Variants in NUP205 observed in about 807,000 individuals in gnomAD.
NUP205 encodes the protein nucleoporin 205.
NUP205 carries 76 observed loss-of-function variants against 253.8 expected under a neutral mutation model. That is an observed-to-expected ratio of 0.30 (90% CI 0.25 to 0.36). The LOEUF is 0.36. Ranked by LOEUF, NUP205 falls within the 10% of genes least tolerant of loss-of-function variation. The pLI, the probability that NUP205 is intolerant of heterozygous loss-of-function variation, is 1.00. For missense variants in NUP205, 2,162 were observed against 2,425.5 expected, an observed-to-expected ratio of 0.89 and a Z score of 2.28; for synonymous variants, 832 against 850.1, an observed-to-expected ratio of 0.98 and a Z score of 0.37.
intron 22 of NUP205, 67 bp downstream of exon 22, chr7:135,607,438 CA>C: frequency 6.5e-7 from 1 of 1,530,386 alleles, no homozygotes; most frequent in Non-Finnish European, 8.9e-7. Context: ...GAGTACGCCA[CA>C]GATATGACAG....
At chr7:135,638,789 A>G in intron 38 of NUP205, 106 bp downstream of exon 38, 1 of 1,105,536 alleles carries the variant, frequency 9.0e-7, no homozygotes, top group Non-Finnish European at 1.4e-6. Context: ...TTTAAGTGTC[A>G]TTAATGGGAA....
chr7:135,626,399 G>A, intron 33 of NUP205, 38 bp downstream of exon 33: 1 of 1,585,470 alleles, frequency 6.3e-7, no homozygotes. Flanking sequence ...TAAACTCCCA[G>A]TAAAGGATTA....
intron 1 of NUP205, among the ~76,000 whole-genome samples, chr7:135,558,865 A>C (rs1207401582): frequency 1.3e-5 from 2 of 152,112 alleles, no homozygotes; most frequent in Admixed American, 6.6e-5. Flanking sequence ...GCTTGTGAGA[A>C]TCTCACTTAA....
chr7:135,625,547 G>A (rs1268798427), intron 32 of NUP205, among the ~76,000 whole-genome samples, 192 bp downstream of exon 32: 1 of 152,162 alleles, frequency 6.6e-6, no homozygotes, highest in Non-Finnish European at 1.5e-5. Context: ...CAAAGGGATA[G>A]CTGGATAATG....
intron 1 of NUP205, among the ~76,000 whole-genome samples, chr7:135,560,136 G>C (rs2129489391): frequency 6.6e-6 from 1 of 152,258 alleles, no homozygotes; most frequent in South Asian, 2.1e-4. Context: ...GGGATTACAG[G>C]TGTGAGCCAC....
intron 34 of NUP205, 145 bp from the exon 35 acceptor site, chr7:135,630,199 T>G: frequency 1.0e-5 from 4 of 395,994 alleles, no homozygotes; most frequent in Non-Finnish European, 1.7e-5. Flanking sequence ...TCACTTATTG[T>G]GAGGCTGAGT....
chr7:135,636,312 T>G (rs540870918), intron 36 of NUP205, among the ~76,000 whole-genome samples: 1 of 152,234 alleles, frequency 6.6e-6, no homozygotes, highest in African/African-American at 2.4e-5. Flanking sequence ...AGTCCTTTTT[T>G]CATGCGCTGT....
At position 135,648,571 on chromosome 7, in the gene NUP205, G is replaced by A. The variant is rs749726884; in HGVS notation, c.*15G>A. 2.1e-5 allele frequency: 32 copies of A among 1,520,998 alleles called. No homozygotes were observed. Among genetic ancestry groups the A allele is most frequent in the Non-Finnish European group, 2.7e-5 (31 of 1,138,146 alleles). The allele number at this position is 1,520,998 out of a possible 1,614,324, so 94.2% of individuals were successfully genotyped here. ...CAAGGAACTGAGAGCCCGTGCTTATGCTCTTCTATGAGAGAGATGAATTGG... is the reference window on the plus strand; with the variant it reads ...CAAGGAACTGAGAGCCCGTGCTTATACTCTTCTATGAGAGAGATGAATTGG... On this transcript the variant is annotated 3_prime_UTR_variant, in exon 43 of 43. Coordinates refer to ENST00000285968, the MANE Select transcript of NUP205 (RefSeq NM_015135.3).
chr7:135,570,682 A>AATTATATTTATAT (rs1805939274), intron 1 of NUP205, among the ~76,000 whole-genome samples: 5 of 87,056 alleles, frequency 5.7e-5, no homozygotes, highest in Non-Finnish European at 8.8e-5. Context: ...AATATATATT[A>AATTATATTTATAT]ATTATATTAA....
chr7:135,576,817 G>A (rs968506525), intron 4 of NUP205, 152 bp from the exon 5 acceptor site: 5 of 667,548 alleles, frequency 7.5e-6, no homozygotes, highest in Non-Finnish European at 1.2e-5. Context: ...GGGACGTCAA[G>A]GCTGCAGTGA....
At chr7:135,621,601 A>T (rs557437959) in intron 30 of NUP205, among the ~76,000 whole-genome samples, 3 of 152,306 alleles carry the variant, frequency 2.0e-5, no homozygotes, top group Non-Finnish European at 4.4e-5. Context: ...CTCACATAAG[A>T]GTATGTTTGT....
chr7:135,622,209 G>A (rs895384394), intron 30 of NUP205, among the ~76,000 whole-genome samples: 3 of 151,754 alleles, frequency 2.0e-5, no homozygotes, highest in African/African-American at 7.3e-5. Context: ...CAGATCACGA[G>A]GTCAGGAGAT....
intron 35 of NUP205, among the ~76,000 whole-genome samples, chr7:135,631,429 G>A (rs113180795): frequency 2.6e-5 from 4 of 152,252 alleles, no homozygotes; most frequent in African/African-American, 9.6e-5. Context: ...AGATACTTTG[G>A]TTACTTTCCC....
At chr7:135,584,793 C>T in intron 7 of NUP205, 39 bp from the exon 8 acceptor site, 1 of 1,585,530 alleles carries the variant, frequency 6.3e-7, no homozygotes, top group Non-Finnish European at 8.7e-7. Flanking sequence ...GGGTTAATGA[C>T]TTTTCCTCCA....
intron 18 of NUP205, 42 bp downstream of exon 18, chr7:135,603,036 G>T: frequency 7.0e-7 from 1 of 1,435,044 alleles, no homozygotes; most frequent in Non-Finnish European, 9.6e-7. Flanking sequence ...TAAACAGATA[G>T]ACATTCTAGC....
At chr7:135,576,211 TCTC>T (rs1458755544) in intron 3 of NUP205, 56 bp from the exon 4 acceptor site, 47 of 1,440,112 alleles carry the variant, frequency 3.3e-5, no homozygotes, top group African/African-American at 4.2e-5. Context: ...TTGATTTTTG[TCTC>T]CTCCTAAACA....
At chr7:135,580,555 T>C (rs908895635) in intron 7 of NUP205, among the ~76,000 whole-genome samples, 14 of 152,118 alleles carry the variant, frequency 9.2e-5, no homozygotes. Context: ...AACCTCTGCC[T>C]CCTGGGTTCA....
Position 135,616,594 on chromosome 7 carries a change from A to G in NUP205, c.3461-61A>G. 6 of 1,012,578 alleles carry G rather than the reference A, an allele frequency of 5.9e-6. No individual in the cohort carries two copies. The South Asian group carries it at 1.1e-4, about 18-fold the overall frequency. The allele number at this position is 1,012,578 out of a possible 1,614,324, so 62.7% of individuals were successfully genotyped here. A position where few individuals can be genotyped will look rare whatever the true frequency, so the allele number is the denominator to read the frequency against. ...GATACCTTGTGTTTGTTATTTCCAA[A>G]TAAATAGTTTTAAGAGTATGTTCTT... On this transcript the variant is annotated intron_variant, in intron 24 of 42. Coordinates refer to ENST00000285968, the MANE Select transcript of NUP205 (RefSeq NM_015135.3).
chr7:135,610,152 G>A (rs1794191844), intron 22 of NUP205, among the ~76,000 whole-genome samples: 1 of 152,114 alleles, frequency 6.6e-6, no homozygotes, highest in Admixed American at 6.5e-5. Flanking sequence ...CTAACTTTTA[G>A]AACACTCTAC....
Sources: allele counts gnomAD v4.1 joint callset (sites outside exome capture counted in the v4.1 genomes callset), GRCh38; gene constraint gnomAD v4.1.1; transcripts MANE v1.5; gene names NCBI Gene and HGNC (gene_info 2026-07-23, HGNC 2026-07-21).